FAM135B: variants seen among roughly 807,000 people sequenced by gnomAD.
FAM135B encodes family with sequence similarity 135 member B.
Under a neutral mutation model 127.7 loss-of-function variants are expected in FAM135B, and 43 were observed. The ratio of observed to expected loss-of-function variants is 0.34; its 90% confidence interval spans 0.26 to 0.43. The LOEUF is 0.43. FAM135B is among the 20% of genes least tolerant of loss of function. FAM135B has a pLI of 1.00. For synonymous variants in FAM135B, 670 were observed against 665.1 expected, an observed-to-expected ratio of 1.01 and a Z score of -0.11; for missense variants, 1,558 against 1,725.6, an observed-to-expected ratio of 0.90 and a Z score of 1.72.
chr8:138,301,170 A>G (rs7842531), intron 3 of FAM135B, among the ~76,000 whole-genome samples: 143,247 of 152,202 alleles, frequency 0.94, 67,601 homozygotes, highest in Non-Finnish European at 0.97. Flanking sequence ...GGAACTCTGC[A>G]CTATGCGATG....
At chr8:138,402,203 C>CTTT in intron 1 of FAM135B, among the ~76,000 whole-genome samples, 1 of 151,616 alleles carries the variant, frequency 6.6e-6, no homozygotes, top group Admixed American at 6.6e-5. Context: ...GGAACACTGC[C>CTTT]TTTTCAACAG....
In FAM135B at chr8:138,482,297, C is replaced by T. The variant is rs929601458; in HGVS notation, c.-20+14374G>A. ...AAATAGGGAAGAGCGTGTTGAAGTACGTGGCCACGAGGGCCATCAAGAGCC... is the reference window on the plus strand; with the variant it reads ...AAATAGGGAAGAGCGTGTTGAAGTATGTGGCCACGAGGGCCATCAAGAGCC... On this transcript the variant is annotated intron_variant, in intron 1 of 19. Transcript: ENST00000395297. Among the ~76,000 whole-genome samples, 31 of 151,832 alleles carry T rather than the reference C, an allele frequency of 2.0e-4. 1 individual carries two copies. The highest frequency in any genetic ancestry group is 7.2e-4 in the African/African-American group (30 of 41,386).
At chr8:138,473,666 T>TA (rs1209185891) in intron 1 of FAM135B, among the ~76,000 whole-genome samples, 1 of 152,196 alleles carries the variant, frequency 6.6e-6, no homozygotes, top group Admixed American at 6.5e-5. Flanking sequence ...TAAAGACAGC[T>TA]ATTGATTGCC....
At chr8:138,293,762 A>T in intron 3 of FAM135B, among the ~76,000 whole-genome samples, 1 of 152,154 alleles carries the variant, frequency 6.6e-6, no homozygotes, top group East Asian at 1.9e-4. Context: ...GTTGGCATGG[A>T]TATGGTGAAA....
At chr8:138,260,024 T>G (rs997049036) in intron 4 of FAM135B, among the ~76,000 whole-genome samples, 43 of 152,310 alleles carry the variant, frequency 2.8e-4, no homozygotes, top group South Asian at 1.2e-3. Flanking sequence ...AGGGTGCAAG[T>G]ACAAAGGAAC....
chr8:138,335,511 G>C (rs1343588405), intron 2 of FAM135B, among the ~76,000 whole-genome samples: 1 of 152,156 alleles, frequency 6.6e-6, no homozygotes, highest in Non-Finnish European at 1.5e-5. Context: ...AGACAAAGAA[G>C]TCCATTACAT....
chr8:138,152,901 T>G lies in FAM135B; in HGVS notation c.1574A>C (p.Asp525Ala). The G allele has an allele frequency of 6.2e-7, 1 of 1,614,196 alleles. No homozygotes were observed. Among genetic ancestry groups the G allele is most frequent in the Non-Finnish European group, 8.5e-7 (1 of 1,180,038 alleles). Reference protein sequence around the residue: ...EDECWTGQTSDAGTYPVADVD... With the variant: ...EDECWTGQTSAAGTYPVADVD... ...ATCTGCCACTGGATATGTCCCAGCATCAGATGTTTGGCCAGTCCAACATTC... is the reference window on the plus strand; with the variant it reads ...ATCTGCCACTGGATATGTCCCAGCAGCAGATGTTTGGCCAGTCCAACATTC... The change falls in exon 13 of 20, where the codon GAT becomes GCT. Residue 525 changes from aspartate to alanine, a missense_variant. Transcript: ENST00000395297.
At chr8:138,246,868 C>T (rs994106422) in intron 6 of FAM135B, among the ~76,000 whole-genome samples, 6 of 152,210 alleles carry the variant, frequency 3.9e-5, no homozygotes, top group Admixed American at 3.9e-4. Context: ...GGCACAGCTA[C>T]CCAAGGCCAT....
At chr8:138,407,211 G>A (rs950244691) in intron 1 of FAM135B, among the ~76,000 whole-genome samples, 13 of 149,030 alleles carry the variant, frequency 8.7e-5, no homozygotes, top group Non-Finnish European at 1.5e-4. Flanking sequence ...GGACGTGAAG[G>A]ACCTCTTCAA....
chr8:138,343,208 A>T (rs11166813), intron 2 of FAM135B, among the ~76,000 whole-genome samples: 152,370 of 152,370 alleles, frequency 1, 76,185 homozygotes, highest in Non-Finnish European at 1. Context: ...GCCCCACTGA[A>T]GCACAGCTTT....
At chr8:138,142,246 T>C (rs1249762395) in intron 16 of FAM135B, among the ~76,000 whole-genome samples, 4 of 151,388 alleles carry the variant, frequency 2.6e-5, no homozygotes, top group South Asian at 2.1e-4. Context: ...GTAGTGCTGA[T>C]TGAAACTCTC....
chr8:138,133,453 T>A (rs1185595835), intron 19 of FAM135B, among the ~76,000 whole-genome samples: 4 of 152,208 alleles, frequency 2.6e-5, no homozygotes, highest in African/African-American at 4.8e-5. Flanking sequence ...GATCTACGAT[T>A]CATATCTCCC....
At chr8:138,462,771 G>T (rs1307963056) in intron 1 of FAM135B, among the ~76,000 whole-genome samples, 4 of 152,188 alleles carry the variant, frequency 2.6e-5, no homozygotes, top group South Asian at 2.1e-4. Context: ...GAGGTGCAAA[G>T]AAACAAGATA....
At chr8:138,280,527 C>T (rs895897802) in intron 3 of FAM135B, among the ~76,000 whole-genome samples, 1 of 152,176 alleles carries the variant, frequency 6.6e-6, no homozygotes, top group Non-Finnish European at 1.5e-5. Context: ...TTCATTCCTC[C>T]ACCTTCCTCA....
chr8:138,163,037 A>G (rs1242700277), intron 12 of FAM135B, among the ~76,000 whole-genome samples: 2 of 152,242 alleles, frequency 1.3e-5, no homozygotes, highest in Admixed American at 1.3e-4. Context: ...TAGAAAAATG[A>G]AAGTAGCAGA....
At chr8:138,244,186 A>G (rs959594828) in intron 6 of FAM135B, among the ~76,000 whole-genome samples, 1 of 152,218 alleles carries the variant, frequency 6.6e-6, no homozygotes, top group South Asian at 2.1e-4. Flanking sequence ...TGATTGAGGC[A>G]CAGCCTTCAC....
At chr8:138,291,656 T>C (rs1339419012) in intron 3 of FAM135B, among the ~76,000 whole-genome samples, 1 of 152,148 alleles carries the variant, frequency 6.6e-6, no homozygotes, top group Non-Finnish European at 1.5e-5. Flanking sequence ...GTAAATATAA[T>C]ACAGCATATC....
chr8:138,250,351 CTCATA>C (rs1337214070), intron 6 of FAM135B, among the ~76,000 whole-genome samples: 2 of 152,146 alleles, frequency 1.3e-5, no homozygotes, highest in African/African-American at 4.8e-5. Context: ...AAGACTCCAT[CTCATA>C]TAAGTAAATA....
chr8:138,357,905 G>C (rs1012549486), intron 2 of FAM135B, among the ~76,000 whole-genome samples: 1 of 152,082 alleles, frequency 6.6e-6, no homozygotes, highest in African/African-American at 2.4e-5. Context: ...GAAGCCGATA[G>C]GAATAAACAT....
Sources: allele counts gnomAD v4.1 joint callset (sites outside exome capture counted in the v4.1 genomes callset), GRCh38; gene constraint gnomAD v4.1.1; transcripts MANE v1.5; gene names NCBI Gene and HGNC (gene_info 2026-07-23, HGNC 2026-07-21).